UBN1: variants seen among roughly 807,000 people sequenced by gnomAD.
UBN1 encodes ubinuclein-1.
A neutral mutation model predicts 108.5 loss-of-function variants in UBN1; 17 were observed. That is an observed-to-expected ratio of 0.16 (90% CI 0.11 to 0.24). The LOEUF (loss-of-function observed/expected upper bound fraction) is 0.24. Among genes scored for constraint, UBN1 ranks in the 10% least tolerant of loss-of-function variants. UBN1 has a pLI of 1.00. For synonymous variants in UBN1, 726 were observed against 564.2 expected, an observed-to-expected ratio of 1.29 and a Z score of -4.07; for missense variants, 1,595 against 1,394.4, an observed-to-expected ratio of 1.14 and a Z score of -2.29.
chr16:4,857,442 T>G (rs750554056), intron 2 of UBN1, among the ~76,000 whole-genome samples: 9 of 151,902 alleles, frequency 5.9e-5, no homozygotes, highest in Non-Finnish European at 1.0e-4. Context: ...GAGAAAAGAA[T>G]AAGCTTATAA....
At chr16:4,849,104 C>A (rs761474831) in intron 1 of UBN1, among the ~76,000 whole-genome samples, 1 of 151,976 alleles carries the variant, frequency 6.6e-6, no homozygotes, top group African/African-American at 2.4e-5. Flanking sequence ...CTCGTCCCCC[C>A]GCCAAAAAGA....
In UBN1 at chr16:4,857,351, C is replaced by CA. The variant is rs33959421; in HGVS notation, c.250-621dup. 7.3e-3 allele frequency among the ~76,000 whole-genome samples: 881 copies of CA among 121,046 alleles called. 7 individuals are homozygous for CA. Among genetic ancestry groups the CA allele is most frequent in the African/African-American group, 0.014 (446 of 31,838 alleles). 79.4% of individuals were successfully genotyped at this position (121,046 alleles called of 152,430 possible). On this transcript the variant is annotated intron_variant, in intron 2 of 17. Transcript: ENST00000262376. ...GAGTGACAGAGTGAGACTCTTATCTCAAAAAAAAAAAAAAAAAATTTTTTT... is the reference window on the plus strand; with the variant it reads ...GAGTGACAGAGTGAGACTCTTATCTCAAAAAAAAAAAAAAAAAAATTTTTTT...
At position 4,860,884 on chromosome 16, in the gene UBN1, G is replaced by A. The variant is rs1438042196; in HGVS notation, c.892G>A (p.Asp298Asn). The A allele has an allele frequency of 6.2e-7, 1 of 1,614,140 alleles. No individual in the cohort carries two copies. Among genetic ancestry groups the A allele is most frequent in the Non-Finnish European group, 8.5e-7 (1 of 1,180,050 alleles). The change falls in exon 7 of 18, where the codon GAC (aspartate) becomes AAC (asparagine). Residue 298 changes from aspartate (D) to asparagine (N), a missense_variant. By Grantham distance (23) the Asp-to-Asn change is conservative. This residue lies in a region of UBN1 where 1,398 missense variants were observed against 1,194.7 expected (regional missense o/e 1.17). Coordinates refer to ENST00000262376, the MANE Select transcript of UBN1 (RefSeq NM_001079514.3). ...PLLSLFGSTS[D>N]NDLLQAATAM... The stretch of plus-strand genomic sequence containing the variant: ...GCTCTCACTCTTTGGCTCTACTTCT[G>A]ACAACGACTTGCTCCAGGCGGCCAC...
chr16:4,847,570 A>T lies in UBN1; in HGVS notation c.-680A>T. Reference sequence around the variant, plus strand: ...GCGACGGTGCGACCGGCTGAGCGCGAGAGGGAGCCGGCCTCGCGGCTCGCC... The same window carrying T: ...GCGACGGTGCGACCGGCTGAGCGCGTGAGGGAGCCGGCCTCGCGGCTCGCC... On this transcript the variant is annotated 5_prime_UTR_variant, in exon 1 of 18. Coordinates refer to ENST00000262376, the MANE Select transcript of UBN1 (RefSeq NM_001079514.3). 1.0e-5 allele frequency: 4 copies of T among 395,244 alleles called. No individual in the cohort carries two copies. Among genetic ancestry groups the T allele is most frequent in the Non-Finnish European group, 1.8e-5 (4 of 219,968 alleles). 24.5% of individuals were successfully genotyped at this position (395,244 alleles called of 1,614,324 possible). A position where few individuals can be genotyped will look rare whatever the true frequency, so the allele number is the denominator to read the frequency against.
intron 3 of UBN1, 65 bp downstream of exon 3, chr16:4,858,141 C>T: frequency 9.8e-7 from 1 of 1,023,022 alleles, no homozygotes; most frequent in African/African-American, 1.6e-5. Context: ...ACACTGTATT[C>T]CTTTAGTGGA....
At chr16:4,850,385 T>C (rs2086501445) in intron 1 of UBN1, among the ~76,000 whole-genome samples, 1 of 152,012 alleles carries the variant, frequency 6.6e-6, no homozygotes, top group East Asian at 1.9e-4. Context: ...ACAGGGGGAG[T>C]AGGACCTGGT....
intron 2 of UBN1, among the ~76,000 whole-genome samples, chr16:4,854,195 G>A (rs772689899): frequency 3.3e-5 from 5 of 151,734 alleles, no homozygotes; most frequent in South Asian, 2.1e-4. Flanking sequence ...CACCACGCCC[G>A]GCAAATTTTT....
At position 4,871,678 on chromosome 16, in the gene UBN1, C is replaced by T. The variant is rs146188906; in HGVS notation, c.1706+377C>T. Reference sequence around the variant, plus strand: ...CTCAGCTCACTGCAAGCTCCACCTCCCAGGTTCACGCCGTTCTCCTGCCTC... The same window carrying T: ...CTCAGCTCACTGCAAGCTCCACCTCTCAGGTTCACGCCGTTCTCCTGCCTC... On this transcript the variant is annotated intron_variant, in intron 12 of 17. Transcript: ENST00000262376. Among the ~76,000 whole-genome samples the T allele has an allele frequency of 2.6e-3, 383 of 149,966 alleles. 1 individual carries two copies. The highest frequency in any genetic ancestry group is 8.9e-3 in the African/African-American group (364 of 40,732).
At chr16:4,864,282 C>T (rs1398977097) in intron 7 of UBN1, among the ~76,000 whole-genome samples, 3 of 152,044 alleles carry the variant, frequency 2.0e-5, no homozygotes, top group East Asian at 3.9e-4. Flanking sequence ...TGCCACAGTA[C>T]ATAGCAGATT....
chr16:4,847,952 C>T lies in UBN1; in HGVS notation c.-298C>T, dbSNP rs1453594423. The T allele has an allele frequency of 6.5e-6, 1 of 152,816 alleles. No homozygotes were observed. Among genetic ancestry groups the T allele is most frequent in the South Asian group, 2.1e-4 (1 of 4,860 alleles). The allele number at this position is 152,816 out of a possible 1,614,324, so 9.5% of individuals were successfully genotyped here. On this transcript the variant is annotated 5_prime_UTR_variant, in exon 1 of 18. Coordinates refer to ENST00000262376, the MANE Select transcript of UBN1 (RefSeq NM_001079514.3). ...TCTCCTGGGGCGACCGGAGGCTGCT[C>T]CCCCGACCCCCTGGTGTCCCCGGAG...
At chr16:4,857,837 A>T (rs1484658459) in intron 2 of UBN1, among the ~76,000 whole-genome samples, 153 bp from the exon 3 acceptor site, 1 of 152,192 alleles carries the variant, frequency 6.6e-6, no homozygotes, top group Non-Finnish European at 1.5e-5. Flanking sequence ...CTTAATTAAG[A>T]TAAACATTGA....
At chr16:4,850,782 G>T (rs573952972) in intron 1 of UBN1, among the ~76,000 whole-genome samples, 2 of 152,136 alleles carry the variant, frequency 1.3e-5, no homozygotes, top group Non-Finnish European at 2.9e-5. Context: ...CATGTATGTG[G>T]ATATATACGA....
chr16:4,854,510 ATT>A (rs56951085), intron 2 of UBN1, among the ~76,000 whole-genome samples: 2,199 of 131,394 alleles, frequency 0.017, 72 homozygotes, highest in African/African-American at 0.06. Flanking sequence ...CGCCTGGCTA[ATT>A]TTTTTTTTTT....
chr16:4,859,752 G>A (rs1026850286), intron 5 of UBN1, 113 bp from the exon 6 acceptor site: 2 of 1,498,548 alleles, frequency 1.3e-6, no homozygotes, highest in Admixed American at 4.8e-5. Flanking sequence ...GTTCATGAAG[G>A]AAATGAGACA....
chr16:4,849,791 CTCA>C (rs2086452712), intron 1 of UBN1, among the ~76,000 whole-genome samples: 2 of 151,472 alleles, frequency 1.3e-5, no homozygotes, highest in African/African-American at 2.4e-5. Flanking sequence ...CAGATGAAGT[CTCA>C]TCATGTTGTC....
intron 1 of UBN1, among the ~76,000 whole-genome samples, chr16:4,851,849 C>T (rs1418411256): frequency 6.6e-6 from 1 of 152,038 alleles, no homozygotes; most frequent in Non-Finnish European, 1.5e-5. Flanking sequence ...GTTAACATTT[C>T]TTTCATCATA....
rs563273247 is a variant in UBN1, at chr16:4,853,891, A to G, written c.249+725A>G. Among the ~76,000 whole-genome samples, 3 of 151,868 alleles carry G rather than the reference A, an allele frequency of 2.0e-5. No homozygotes were observed. In the East Asian group the frequency reaches 5.8e-4, roughly 29 times the overall value. On this transcript the variant is annotated intron_variant, in intron 2 of 17. Transcript: ENST00000262376. ...CTTGATGGATTTTCATGAACTCAGT[A>G]CCCCCATGTAACCTGCACGTAGGTC...
At chr16:4,879,082 T>C (rs1432253192) in intron 17 of UBN1, among the ~76,000 whole-genome samples, 2 of 152,156 alleles carry the variant, frequency 1.3e-5, no homozygotes, top group Non-Finnish European at 2.9e-5. Flanking sequence ...GAAGAATAAG[T>C]GCTAGTGTTC....
At chr16:4,857,935 A>G (rs1040505570) in intron 2 of UBN1, 55 bp from the exon 3 acceptor site, 1 of 1,352,536 alleles carries the variant, frequency 7.4e-7, no homozygotes, top group African/African-American at 1.5e-5. Context: ...GTTTCTATGA[A>G]TAAGAACATG....
Sources: allele counts gnomAD v4.1 joint callset (sites outside exome capture counted in the v4.1 genomes callset), GRCh38; gene constraint gnomAD v4.1.1; regional missense constraint gnomAD v4.1.1; transcripts MANE v1.5; gene names NCBI Gene and HGNC (gene_info 2026-07-23, HGNC 2026-07-21).